The following TMBIM1 variants were observed in gnomAD, a reference collection of about 807,000 sequenced individuals.
TMBIM1 encodes protein lifeguard 3.
TMBIM1 carries 34 observed loss-of-function variants against 45.1 expected under a neutral mutation model. The ratio of observed to expected loss-of-function variants is 0.75; its 90% CI spans 0.57 to 1.00. TMBIM1 has a LOEUF of 1.00. Ranked by LOEUF, TMBIM1 falls within the 50% of genes least tolerant of loss-of-function variation. TMBIM1 has a pLI of 0.00. For missense variants in TMBIM1, 374 were observed against 402.4 expected (o/e 0.93, Z 0.60); for synonymous variants, 157 against 153.5 (o/e 1.02, Z -0.17).
Position 218,282,192 on chromosome 2 carries a change from A to G in TMBIM1, c.-40-11T>C, listed in dbSNP as rs370699612. The G allele has an allele frequency of 2.4e-4, 334 of 1,379,132 alleles. 2 individuals are homozygous for G. Among genetic ancestry groups the G allele is most frequent in the Admixed American group, 5.5e-4 (17 of 30,836 alleles). The allele number at this position is 1,379,132 out of a possible 1,614,324, so 85.4% of individuals were successfully genotyped here. A position where few individuals can be genotyped will look rare whatever the true frequency, so the allele number is the denominator to read the frequency against. ...CCCAGCTGCTGGGACCTGAAATGGG[A>G]GAGGAGAAAAGCAATCGTGAATGCC... On this transcript the variant is annotated splice_polypyrimidine_tract_variant and intron_variant, in intron 1 of 11. Coordinates refer to ENST00000258412, the MANE Select transcript of TMBIM1 (RefSeq NM_022152.6).
intron 6 of TMBIM1, chr2:218,278,192 G>A (rs1279433091): frequency 1.6e-6 from 1 of 618,048 alleles, no homozygotes; most frequent in African/African-American, 1.8e-5. Context: ...GAAACACCTG[G>A]ATTGGTTTGC....
chr2:218,282,198 GAA>G lies in TMBIM1; in HGVS notation c.-40-19_-40-18del. 1 of 1,364,086 alleles carries G rather than the reference GAA, an allele frequency of 7.3e-7. No homozygotes were observed. Among genetic ancestry groups the G allele is most frequent in the South Asian group, 1.6e-5 (1 of 62,658 alleles). 84.5% of individuals were successfully genotyped at this position (1,364,086 alleles called of 1,614,324 possible). The stretch of plus-strand genomic sequence containing the variant: ...TGCTGGGACCTGAAATGGGAGAGGA[GAA>G]AAGCAATCGTGAATGCCCAGGCCCA... On this transcript the variant is annotated intron_variant, in intron 1 of 11. Transcript: ENST00000258412.
In TMBIM1 at chr2:218,278,782, G is replaced by A. The variant is rs372150078; in HGVS notation, c.423-217C>T. Among the ~76,000 whole-genome samples the A allele has an allele frequency of 9.8e-5, 15 of 152,348 alleles. No homozygotes were observed. The East Asian group carries it at 1.3e-3, about 14-fold the overall frequency. ...AAGGAGGTCTGGGGAGGCTGCAGCT[G>A]ACGGGCTGAGAGGACATGGGGGCTG... On this transcript the variant is annotated intron_variant, in intron 5 of 11. Coordinates refer to ENST00000258412, the MANE Select transcript of TMBIM1 (RefSeq NM_022152.6).
rs1691091504 is a variant in TMBIM1, at chr2:218,275,446, A to C, written c.*29T>G. The stretch of plus-strand genomic sequence containing the variant: ...CCCTCTAGCTTGGAAGGGAGAGCCC[A>C]GGATCGGGTGAAAATGGGGGCTTGC... On this transcript the variant is annotated 3_prime_UTR_variant, in exon 12 of 12. Coordinates refer to ENST00000258412, the MANE Select transcript of TMBIM1 (RefSeq NM_022152.6). 6.2e-7 allele frequency: 1 copy of C among 1,602,584 alleles called. No individual in the cohort carries two copies. Among genetic ancestry groups the C allele is most frequent in the Admixed American group, 1.7e-5 (1 of 59,344 alleles).
chr2:218,276,995 G>T lies in TMBIM1; in HGVS notation c.735+9C>A, dbSNP rs746575826. On this transcript the variant is annotated intron_variant, in intron 10 of 11. Coordinates refer to ENST00000258412, the MANE Select transcript of TMBIM1 (RefSeq NM_022152.6). ...GGTTCCCTGACCCCAGCTCTCCTGGGACACTCACGTATTGGAAGTAGAGCA... is the reference window on the plus strand; with the variant it reads ...GGTTCCCTGACCCCAGCTCTCCTGGTACACTCACGTATTGGAAGTAGAGCA... The T allele has an allele frequency of 1.2e-6, 2 of 1,612,088 alleles. No homozygotes were observed. Among genetic ancestry groups the T allele is most frequent in the Non-Finnish European group, 1.7e-6 (2 of 1,178,332 alleles).
Position 218,277,173 on chromosome 2 carries a change from G to T in TMBIM1, c.640-74C>A, listed in dbSNP as rs1187408969. On this transcript the variant is annotated intron_variant, in intron 9 of 11. Coordinates refer to ENST00000258412, the MANE Select transcript of TMBIM1 (RefSeq NM_022152.6). ...GCCCAGTCAGACTGGCCCTGCCAGG[G>T]AGTCCCAGTGCTGCCTCCTAGGGGG... 7 of 1,340,670 alleles carry T rather than the reference G, an allele frequency of 5.2e-6. No homozygotes were observed. In the East Asian group the frequency reaches 9.2e-5, roughly 18 times the overall value. 83.0% of individuals were successfully genotyped at this position (1,340,670 alleles called of 1,614,324 possible). A position where few individuals can be genotyped will look rare whatever the true frequency, so the allele number is the denominator to read the frequency against.
chr2:218,275,482 C>G lies in TMBIM1; in HGVS notation c.929G>C (p.Arg310Pro), dbSNP rs143173370. 2 of 1,612,342 alleles carry G rather than the reference C, an allele frequency of 1.2e-6. No homozygotes were observed. The highest frequency in any genetic ancestry group is 4.5e-5 in the East Asian group (2 of 44,852). ...FTFVLQLMGD[R>P]N ...AAAATGGGGGCTTGCTCCTTAATTG[C>G]GATCCCCCATCAGCTGCAGCACAAA... The change falls in exon 12 of 12, where the codon CGC becomes CCC. Residue 310 changes from arginine to proline, a missense_variant. By Grantham distance (103) the Arg-to-Pro change is moderately radical. Coordinates refer to ENST00000258412, the MANE Select transcript of TMBIM1 (RefSeq NM_022152.6).
chr2:218,292,305 G>A (rs957159503), intron 1 of TMBIM1, among the ~76,000 whole-genome samples, 161 bp downstream of exon 1: 3 of 152,126 alleles, frequency 2.0e-5, no homozygotes, highest in African/African-American at 7.2e-5. Flanking sequence ...GGGCCAGGAG[G>A]GGAGATCCCC....
At position 218,275,629 on chromosome 2, in the gene TMBIM1, G is replaced by C; in HGVS notation, c.790-8C>G. 2 of 1,606,784 alleles carry C rather than the reference G, an allele frequency of 1.2e-6. No individual in the cohort carries two copies. The highest frequency in any genetic ancestry group is 1.7e-6 in the Non-Finnish European group (2 of 1,177,434). On this transcript the variant is annotated splice_region_variant and splice_polypyrimidine_tract_variant and intron_variant, in intron 11 of 11. Transcript: ENST00000258412. ...TGTGTCGTAAGCCAGGAACTGCAAG[G>C]ATAGGGAAGCCAGAAGTGAGAACTC...
rs753579861 is a variant in TMBIM1, at chr2:218,279,087, G to A, written c.373C>T (p.Pro125Ser). The change falls in exon 5 of 12, where the codon CCT becomes TCT. Residue 125 changes from proline to serine, a missense_variant. Transcript: ENST00000258412. The stretch of plus-strand genomic sequence containing the variant: ...TTTCTCCTCACAAAGGCGCTGACAG[G>A]TTCCCTGTGGGGCACAGGAGGACAG... ...AIIAIFTFVEPVSAFVRRNVA... is the reference protein window; with the variant it reads ...AIIAIFTFVESVSAFVRRNVA... The A allele has an allele frequency of 6.2e-7, 1 of 1,614,116 alleles. No individual in the cohort carries two copies. The highest frequency in any genetic ancestry group is 1.1e-5 in the South Asian group (1 of 91,084).
intron 5 of TMBIM1, 66 bp downstream of exon 5, chr2:218,278,971 TG>T: frequency 6.3e-7 from 1 of 1,587,480 alleles, no homozygotes. Context: ...TGAGCAAAGC[TG>T]GTCACCTAGA....
At chr2:218,290,940 T>C (rs1031723512) in intron 1 of TMBIM1, among the ~76,000 whole-genome samples, 1 of 152,182 alleles carries the variant, frequency 6.6e-6, no homozygotes, top group Non-Finnish European at 1.5e-5. Context: ...GAGCTTCCAC[T>C]CTCTGGTCGT....
At chr2:218,277,332 C>T (rs368820137) in intron 9 of TMBIM1, 34 bp downstream of exon 9, 58 of 1,593,764 alleles carry the variant, frequency 3.6e-5, no homozygotes, top group African/African-American at 5.4e-5. Context: ...AAAGGGGAGT[C>T]GGGGGGCCAG....
intron 1 of TMBIM1, chr2:218,286,151 GA>G (rs1337059273): frequency 6.5e-6 from 1 of 152,888 alleles, no homozygotes; most frequent in Non-Finnish European, 1.5e-5. Context: ...GTCCCCACTG[GA>G]AGCCTGAATT....
intron 2 of TMBIM1, 142 bp downstream of exon 2, chr2:218,281,792 GACAGAA>G (rs1462122830): frequency 2.7e-5 from 20 of 753,458 alleles, no homozygotes; most frequent in Non-Finnish European, 6.6e-6. Flanking sequence ...GGGTAACAAA[GACAGAA>G]ACAGAGGGAG....
chr2:218,276,980 C>T lies in TMBIM1; in HGVS notation c.735+24G>A, dbSNP rs778650298. 1.0e-5 allele frequency: 16 copies of T among 1,591,746 alleles called. No individual in the cohort carries two copies. The East Asian group carries it at 3.3e-4, about 33-fold the overall frequency. ...CTGCCCTGAGCACTGGGTTCCCTGA[C>T]CCCAGCTCTCCTGGGACACTCACGT... On this transcript the variant is annotated intron_variant, in intron 10 of 11. Transcript: ENST00000258412.
rs375219103 is a variant in TMBIM1 at position 218,280,017 on chromosome 2, G to A, written c.303+9C>T. On this transcript the variant is annotated intron_variant, in intron 3 of 11. Transcript: ENST00000258412. ...CCCAGGTACACCCACCTCCCAGCGC[G>A]TATCTTACCTTTCGGATAAAAGTGT... 108 of 1,612,432 alleles carry A rather than the reference G, an allele frequency of 6.7e-5. No homozygotes were observed. The highest frequency in any genetic ancestry group is 1.6e-4 in the Middle Eastern group (1 of 6,078).
At chr2:218,285,274 A>C (rs1373562214) in intron 1 of TMBIM1, among the ~76,000 whole-genome samples, 1 of 152,216 alleles carries the variant, frequency 6.6e-6, no homozygotes, top group African/African-American at 2.4e-5. Context: ...CACTTGGCCA[A>C]GATAACCTAG....
At chr2:218,285,025 G>A (rs1211141418) in intron 1 of TMBIM1, among the ~76,000 whole-genome samples, 1 of 152,230 alleles carries the variant, frequency 6.6e-6, no homozygotes. Flanking sequence ...GGGAGGCGGA[G>A]ATTCCAGTGA....
Sources: allele counts gnomAD v4.1 joint callset (sites outside exome capture counted in the v4.1 genomes callset), GRCh38; gene constraint gnomAD v4.1.1; transcripts MANE v1.5; gene names NCBI Gene and HGNC (gene_info 2026-07-23, HGNC 2026-07-21).